Variants in PIWIL3 observed in about 807,000 individuals in gnomAD.
PIWIL3 encodes piwi like RNA-mediated gene silencing 3, also known as piwi-like protein 3.
In PIWIL3, 101 loss-of-function variants were observed where a neutral mutation model predicts 109.7. The ratio of observed to expected loss-of-function variants is 0.92; its 90% CI spans 0.78 to 1.09. PIWIL3 has a LOEUF of 1.09. Ranked by LOEUF, PIWIL3 falls within the 50% of genes least tolerant of loss-of-function variation. The pLI is 0.00. For missense variants in PIWIL3, 1,031 were observed against 1,072.6 expected (o/e 0.96, Z 0.54); for synonymous variants, 373 against 376.4 (o/e 0.99, Z 0.10).
Position 24,727,481 on chromosome 22 carries a change from TCAA to T in PIWIL3, c.2009+466_2009+468del, listed in dbSNP as rs368877673. ...ATCAAGACTGGCCTGCAGCTGACGGTCAACAACAACAACAACAAACAACAACAA... is the reference window on the plus strand; with the variant it reads ...ATCAAGACTGGCCTGCAGCTGACGGTCAACAACAACAACAAACAACAACAA... On this transcript the variant is annotated intron_variant, in intron 16 of 20. Coordinates refer to ENST00000616349, the MANE Select transcript of PIWIL3 (RefSeq NM_001255975.1). Among the ~76,000 whole-genome samples, 142 of 151,924 alleles carry T rather than the reference TCAA, an allele frequency of 9.3e-4. 1 individual carries two copies. Among genetic ancestry groups the T allele is most frequent in the African/African-American group, 1.5e-3 (62 of 41,448 alleles).
In PIWIL3 at chr22:24,719,579, GGAT is replaced by G. The variant is rs750446580; in HGVS notation, c.2512_2514del (p.Ile838del). Reference sequence around the variant, plus strand: ...GCATAGTGGCAAGGCGCTGGAACTCGGATGATGCCCTTTAGTAGGAAAAGAAAA... The same window carrying G: ...GCATAGTGGCAAGGCGCTGGAACTCGGATGCCCTTTAGTAGGAAAAGAAAA... On this transcript the variant is annotated inframe_deletion, in exon 21 of 21. Coordinates refer to ENST00000616349, the MANE Select transcript of PIWIL3 (RefSeq NM_001255975.1). 2 of 1,591,896 alleles carry G rather than the reference GGAT, an allele frequency of 1.3e-6. No homozygotes were observed. Among genetic ancestry groups the G allele is most frequent in the African/African-American group, 1.4e-5 (1 of 73,614 alleles).
intron 14 of PIWIL3, among the ~76,000 whole-genome samples, chr22:24,732,673 A>G (rs1300314096): frequency 1.3e-5 from 2 of 152,118 alleles, no homozygotes; most frequent in South Asian, 4.1e-4. Context: ...AATACAAAAA[A>G]TTAGCCGGGT....
chr22:24,752,718 A>G (rs1455030333), intron 8 of PIWIL3, among the ~76,000 whole-genome samples: 1 of 152,192 alleles, frequency 6.6e-6, no homozygotes, highest in Non-Finnish European at 1.5e-5. Context: ...TCAGTAATGC[A>G]TATCGTTAGC....
At position 24,748,902 on chromosome 22, in the gene PIWIL3, C is replaced by G; in HGVS notation, c.1449+5G>C. 6.2e-7 allele frequency: 1 copy of G among 1,600,726 alleles called. No homozygotes were observed. Among genetic ancestry groups the G allele is most frequent in the Non-Finnish European group, 8.5e-7 (1 of 1,171,984 alleles). The stretch of plus-strand genomic sequence containing the variant: ...CATGACATGATGATTTTGAAACTGT[C>G]TTACCATTCTTCTGCCTTGCACGAT... On this transcript the variant is annotated splice_donor_5th_base_variant and intron_variant, in intron 12 of 20. Coordinates refer to ENST00000616349, the MANE Select transcript of PIWIL3 (RefSeq NM_001255975.1).
chr22:24,771,596 T>C (rs967037575), intron 1 of PIWIL3, among the ~76,000 whole-genome samples: 1 of 152,236 alleles, frequency 6.6e-6, no homozygotes, highest in East Asian at 1.9e-4. Flanking sequence ...GCCTTTCTTT[T>C]AGAAAATAAT....
At chr22:24,744,473 T>C (rs1924234460) in intron 12 of PIWIL3, among the ~76,000 whole-genome samples, 1 of 152,004 alleles carries the variant, frequency 6.6e-6, no homozygotes, top group Non-Finnish European at 1.5e-5. Flanking sequence ...CTCAGGAGGC[T>C]GAGGCAGGAG....
intron 4 of PIWIL3, 44 bp from the exon 5 acceptor site, chr22:24,756,749 G>A: frequency 6.6e-7 from 1 of 1,509,896 alleles, no homozygotes; most frequent in Non-Finnish European, 9.2e-7. Flanking sequence ...AGACTGATTG[G>A]GCCCAAAACA....
intron 1 of PIWIL3, 102 bp downstream of exon 1, chr22:24,774,220 A>G (rs1364329155): frequency 6.6e-6 from 1 of 152,248 alleles, no homozygotes; most frequent in East Asian, 1.9e-4. Flanking sequence ...CAGCCTTGGA[A>G]TGTGCTGTGA....
rs373105146 is a variant in PIWIL3, at chr22:24,742,583, C to A, written c.1449+6324G>T. The stretch of plus-strand genomic sequence containing the variant: ...AGACCAATGGAACAGAATAGAGAAC[C>A]CAGAAATAAAGCCAAATACTTGTAG... On this transcript the variant is annotated intron_variant, in intron 12 of 20. Coordinates refer to ENST00000616349, the MANE Select transcript of PIWIL3 (RefSeq NM_001255975.1). Among the ~76,000 whole-genome samples, 28 of 152,158 alleles carry A rather than the reference C, an allele frequency of 1.8e-4. No homozygotes were observed. In the South Asian group the frequency reaches 5.8e-3, roughly 32 times the overall value.
intron 16 of PIWIL3, among the ~76,000 whole-genome samples, chr22:24,727,221 C>T (rs1204946773): frequency 6.6e-6 from 1 of 152,194 alleles, no homozygotes; most frequent in Non-Finnish European, 1.5e-5. Context: ...GTTCTAATCC[C>T]TAGAGCCTGT....
At chr22:24,749,122 T>C in intron 11 of PIWIL3, 101 bp from the exon 12 acceptor site, 2 of 990,996 alleles carry the variant, frequency 2.0e-6, no homozygotes, top group Non-Finnish European at 3.0e-6. Flanking sequence ...TCACCATCAC[T>C]TGTCCGCAGC....
chr22:24,759,173 C>T (rs941230427), intron 3 of PIWIL3, among the ~76,000 whole-genome samples: 6 of 152,240 alleles, frequency 3.9e-5, no homozygotes, highest in African/African-American at 1.2e-4. Context: ...ATGTGAGCCA[C>T]TGCACCCAGT....
chr22:24,755,110 T>C (rs1924945718), intron 6 of PIWIL3, among the ~76,000 whole-genome samples: 1 of 152,216 alleles, frequency 6.6e-6, no homozygotes, highest in South Asian at 2.1e-4. Flanking sequence ...AAAACTGAAC[T>C]AAGGTCTCTT....
chr22:24,732,831 G>A lies in PIWIL3; in HGVS notation c.1707+1253C>T, dbSNP rs140909902. ...GACTCTGTCTCAAAAAAAAAGAAAA[G>A]GTAATCTTGAGCTTTTCAGGCAGAT... On this transcript the variant is annotated intron_variant, in intron 14 of 20. Coordinates refer to ENST00000616349, the MANE Select transcript of PIWIL3 (RefSeq NM_001255975.1). Among the ~76,000 whole-genome samples, 437 of 152,104 alleles carry A rather than the reference G, an allele frequency of 2.9e-3. 3 individuals carry two copies. Among genetic ancestry groups the A allele is most frequent in the African/African-American group, 9.9e-3 (409 of 41,518 alleles).
chr22:24,757,789 GT>G lies in PIWIL3; in HGVS notation c.355+118del, dbSNP rs1321320871. On this transcript the variant is annotated intron_variant, in intron 4 of 20. Transcript: ENST00000616349. Reference sequence around the variant, plus strand: ...CTGAGCCCAGGAGTTTGAGGCTAAAGTGAGCATCACTGTACTCCAGCCTGGG... The same window carrying G: ...CTGAGCCCAGGAGTTTGAGGCTAAAGGAGCATCACTGTACTCCAGCCTGGG... 2.4e-6 allele frequency: 3 copies of G among 1,228,654 alleles called. No homozygotes were observed. In the African/African-American group the frequency reaches 4.7e-5, roughly 19 times the overall value. 76.1% of individuals were successfully genotyped at this position (1,228,654 alleles called of 1,614,324 possible).
intron 19 of PIWIL3, among the ~76,000 whole-genome samples, chr22:24,722,675 C>T (rs769998942): frequency 1.6e-4 from 24 of 152,020 alleles, no homozygotes; most frequent in Admixed American, 3.3e-4. Context: ...GCCAAGATTG[C>T]GCCACTGCAC....
Position 24,749,392 on chromosome 22 carries a change from A to C in PIWIL3, c.1334+12T>G. 2 of 1,613,492 alleles carry C rather than the reference A, an allele frequency of 1.2e-6. No individual in the cohort carries two copies. The highest frequency in any genetic ancestry group is 3.3e-5 in the Admixed American group (2 of 59,976). Reference sequence around the variant, plus strand: ...ACATGTACACACACTCAGCCAGAAAAGCAGCACTTACTCTTGTAGAGTATT... The same window carrying C: ...ACATGTACACACACTCAGCCAGAAACGCAGCACTTACTCTTGTAGAGTATT... On this transcript the variant is annotated intron_variant, in intron 11 of 20. Coordinates refer to ENST00000616349, the MANE Select transcript of PIWIL3 (RefSeq NM_001255975.1).
chr22:24,736,406 C>T (rs993813612), intron 12 of PIWIL3, among the ~76,000 whole-genome samples: 20 of 152,310 alleles, frequency 1.3e-4, no homozygotes, highest in African/African-American at 4.8e-4. Context: ...CTTTTCAGTG[C>T]TGTTAGACTC....
At chr22:24,757,098 A>AAAAAAAAAAAAAAAAAG (rs1555912998) in intron 4 of PIWIL3, among the ~76,000 whole-genome samples, 20 of 146,514 alleles carry the variant, frequency 1.4e-4, no homozygotes, top group African/African-American at 4.9e-4. Flanking sequence ...AAAAAAAAAA[A>AAAAAAAAAAAAAAAAAG]AAAAGAAAAG....
Sources: allele counts gnomAD v4.1 joint callset (sites outside exome capture counted in the v4.1 genomes callset), GRCh38; gene constraint gnomAD v4.1.1; transcripts MANE v1.5; gene names NCBI Gene and HGNC (gene_info 2026-07-23, HGNC 2026-07-21).